Variants in CATSPERE observed in about 807,000 individuals in gnomAD.
CATSPERE encodes the protein catsper channel auxiliary subunit epsilon.
A neutral mutation model predicts 114.1 loss-of-function variants in CATSPERE; 93 were observed. The ratio of observed to expected loss-of-function variants is 0.81; its 90% confidence interval spans 0.69 to 0.97. The LOEUF is 0.97. Ranked by LOEUF, CATSPERE falls within the 50% of genes least tolerant of loss-of-function variation. The probability of loss-of-function intolerance (pLI) is 0.00; values close to 1 mark genes in which losing one functional copy is unlikely to be tolerated. For synonymous variants in CATSPERE, 341 were observed against 384.1 expected, an observed-to-expected ratio of 0.89 and a Z score of 1.31; for missense variants, 1,058 against 1,131.6, an observed-to-expected ratio of 0.93 and a Z score of 0.93.
intron 9 of CATSPERE, among the ~76,000 whole-genome samples, chr1:244,558,553 C>T (rs942300596): frequency 3.3e-5 from 5 of 152,136 alleles, no homozygotes; most frequent in African/African-American, 9.7e-5. Context: ...ACATTCTGGG[C>T]ACCTTATCAC....
rs529698960 is a variant in CATSPERE, at chr1:244,584,898, T to C, written c.2085+959T>C. 5.3e-5 allele frequency among the ~76,000 whole-genome samples: 8 copies of C among 152,262 alleles called. 1 individual carries two copies. In the South Asian group the frequency reaches 1.7e-3, roughly 32 times the overall value. ...CAGGTGCACACCAACAACTCCCCTG[T>C]CTGCCTACCACATGCCAGCTTAATC... On this transcript the variant is annotated intron_variant, in intron 13 of 21. Coordinates refer to ENST00000366534, the MANE Select transcript of CATSPERE (RefSeq NM_001130957.2).
chr1:244,545,022 G>T (rs1290702021), intron 8 of CATSPERE, among the ~76,000 whole-genome samples: 1 of 152,064 alleles, frequency 6.6e-6, no homozygotes, highest in Non-Finnish European at 1.5e-5. Flanking sequence ...GAAGCATCTT[G>T]GTCACCTTTC....
rs1674193415 is a variant in CATSPERE, at chr1:244,633,214, A to G, written c.2649-2275A>G. On this transcript the variant is annotated intron_variant, in intron 20 of 21. Transcript: ENST00000366534. The surrounding 1 kb of genome is among the most constrained non-coding windows in gnomAD (Gnocchi z 4.1). Reference sequence around the variant, plus strand: ...TTTCTCAGAAATTGATAGGACAAGTAGAGAGAAAATCAGTAAGGATACAGA... The same window carrying G: ...TTTCTCAGAAATTGATAGGACAAGTGGAGAGAAAATCAGTAAGGATACAGA... 6.6e-6 allele frequency among the ~76,000 whole-genome samples: 1 copy of G among 152,258 alleles called. No homozygotes were observed. Among genetic ancestry groups the G allele is most frequent in the African/African-American group, 2.4e-5 (1 of 41,470 alleles).
chr1:244,561,205 A>G (rs1229946849), intron 10 of CATSPERE, 60 bp downstream of exon 10: 7 of 1,215,730 alleles, frequency 5.8e-6, no homozygotes, highest in Middle Eastern at 2.5e-4. Flanking sequence ...TCTTCCTTAT[A>G]ATGATGTAAC....
intron 7 of CATSPERE, among the ~76,000 whole-genome samples, chr1:244,514,557 C>T (rs951259452): frequency 2.6e-5 from 4 of 152,022 alleles, no homozygotes; most frequent in Admixed American, 6.5e-5. Flanking sequence ...GGGCCGGGCG[C>T]GGTGGCTCAC....
At chr1:244,479,424 A>G (rs557551941) in intron 4 of CATSPERE, among the ~76,000 whole-genome samples, 1 of 152,310 alleles carries the variant, frequency 6.6e-6, no homozygotes, top group Admixed American at 6.5e-5. Context: ...CTCAGTTGTA[A>G]CAACCGAAAG....
chr1:244,499,110 A>G, intron 7 of CATSPERE, 31 bp downstream of exon 7: 1 of 1,505,264 alleles, frequency 6.6e-7, no homozygotes, highest in African/African-American at 1.4e-5. Context: ...CGTCATAGTA[A>G]GAACAGAATG....
At chr1:244,452,133 G>C, upstream of CATSPERE, 1 of 230,720 alleles carries the variant, frequency 4.3e-6, no homozygotes, top group Non-Finnish European at 8.4e-6. Context: ...CGCCACTCCC[G>C]TGCAAACCTC....
intron 17 of CATSPERE, among the ~76,000 whole-genome samples, chr1:244,601,634 G>T (rs1669227508): frequency 6.6e-6 from 1 of 152,172 alleles, no homozygotes; most frequent in African/African-American, 2.4e-5. Context: ...GGAACGAAGA[G>T]AAGGCAAGAG....
chr1:244,638,123 C>T (rs1201486127), intron 21 of CATSPERE, among the ~76,000 whole-genome samples: 1 of 152,070 alleles, frequency 6.6e-6, no homozygotes, highest in Non-Finnish European at 1.5e-5. Flanking sequence ...TTTAGTGACC[C>T]TCAAGTTTCT....
At chr1:244,625,418 A>T in intron 20 of CATSPERE, among the ~76,000 whole-genome samples, 2 of 5,812 alleles carry the variant, frequency 3.4e-4, no homozygotes, top group Non-Finnish European at 4.2e-4. Flanking sequence ...ATATATATAT[A>T]TATATATATA....
intron 7 of CATSPERE, among the ~76,000 whole-genome samples, chr1:244,499,399 A>G (rs1403772954): frequency 6.6e-6 from 1 of 152,100 alleles, no homozygotes; most frequent in Non-Finnish European, 1.5e-5. Context: ...ATAGGTATAC[A>G]TGTGCCATGG....
chr1:244,580,666 T>C (rs1466238213), intron 11 of CATSPERE, among the ~76,000 whole-genome samples: 2 of 152,158 alleles, frequency 1.3e-5, no homozygotes, highest in Non-Finnish European at 2.9e-5. Flanking sequence ...AATTGTCTCC[T>C]TTTCCAGGTT....
intron 8 of CATSPERE, among the ~76,000 whole-genome samples, chr1:244,522,103 A>T (rs1677668803): frequency 6.6e-6 from 1 of 152,154 alleles, no homozygotes; most frequent in African/African-American, 2.4e-5. Flanking sequence ...CTCCTCAGCA[A>T]ATGTAAAAGA....
chr1:244,459,896 C>G (rs1666511356), upstream of CATSPERE, among the ~76,000 whole-genome samples: 1 of 152,230 alleles, frequency 6.6e-6, no homozygotes, highest in Non-Finnish European at 1.5e-5. Context: ...AGCAATTCCA[C>G]TCTTCTCACC....
chr1:244,551,166 G>C (rs571285306), intron 8 of CATSPERE, among the ~76,000 whole-genome samples: 3 of 152,252 alleles, frequency 2.0e-5, no homozygotes, highest in African/African-American at 4.8e-5. Context: ...GCTCTTTTCA[G>C]ATATTCAGGG....
intron 8 of CATSPERE, among the ~76,000 whole-genome samples, chr1:244,522,654 T>C (rs958523578): frequency 3.9e-5 from 6 of 151,934 alleles, no homozygotes; most frequent in Admixed American, 2.6e-4. Flanking sequence ...AAAGGGGATA[T>C]CACCACCGAT....
At chr1:244,617,425 A>G (rs914322537) in intron 19 of CATSPERE, 104 bp from the exon 20 acceptor site, 2 of 842,224 alleles carry the variant, frequency 2.4e-6, no homozygotes, top group Admixed American at 6.9e-5. Context: ...AGAAGGGAAT[A>G]GCCATTACAT....
At chr1:244,560,042 G>C (rs1662309424) in intron 9 of CATSPERE, among the ~76,000 whole-genome samples, 1 of 151,872 alleles carries the variant, frequency 6.6e-6, no homozygotes, top group Admixed American at 6.6e-5. Flanking sequence ...ACCCAGGCTG[G>C]AGTGCAGTGG....
Sources: allele counts gnomAD v4.1 joint callset (sites outside exome capture counted in the v4.1 genomes callset), GRCh38; gene constraint gnomAD v4.1.1; non-coding constraint Gnocchi (gnomAD v3.1); transcripts MANE v1.5; gene names NCBI Gene and HGNC (gene_info 2026-07-23, HGNC 2026-07-21).